MSH6: variants seen among roughly 807,000 people sequenced by gnomAD.
MSH6 encodes mutS homolog 6.
In MSH6, 85 loss-of-function variants were observed where a neutral mutation model predicts 119.1. That is an observed-to-expected ratio of 0.71 (90% CI 0.60 to 0.85). MSH6 has a LOEUF of 0.85. MSH6 is among the 40% of genes least tolerant of loss of function. MSH6 has a pLI of 0.00. For synonymous variants in MSH6, 830 were observed against 586.9 expected, an observed-to-expected ratio of 1.41 and a Z score of -5.99; for missense variants, 2,163 against 1,655.3, an observed-to-expected ratio of 1.31 and a Z score of -5.32.
chr2:47,805,329 GCCATCAC>G (rs1669918357), intron 6 of MSH6, among the ~76,000 whole-genome samples: 1 of 152,058 alleles, frequency 6.6e-6, no homozygotes, highest in Non-Finnish European at 1.5e-5. Flanking sequence ...ACAGGCGCAT[GCCATCAC>G]GCCCAGCTAA....
chr2:47,802,693 AAC>A (rs1212195324), intron 4 of MSH6, among the ~76,000 whole-genome samples: 1 of 150,166 alleles, frequency 6.7e-6, no homozygotes, highest in Non-Finnish European at 1.5e-5. Context: ...GTAACACAGT[AAC>A]ACAAAACTAT....
At chr2:47,808,338 CTAAT>C, downstream of MSH6, 1 of 1,612,024 alleles carries the variant, frequency 6.2e-7, no homozygotes, top group East Asian at 2.2e-5. Flanking sequence ...CCTATCATGT[CTAAT>C]AAACTCTACA....
rs1064793520 is a variant in MSH6, at chr2:47,803,587, C to G, written c.3340C>G (p.Leu1114Val). ...FGDDFIPNDI[L>V]IGCEEEEQEN... is the part of the protein sequence containing the mutation. ...AGATGATTTTATTCCTAATGACATT[C>G]TAATAGGCTGTGAGGAAGAGGAGCA... Residue 1114 changes from leucine (L) to valine (V), a missense_variant, in exon 5 of 10, where the codon CTA becomes GTA. Transcript: ENST00000234420. 3 of 1,614,008 alleles carry G rather than the reference C, an allele frequency of 1.9e-6. No individual in the cohort carries two copies. The highest frequency in any genetic ancestry group is 1.6e-4 in the Middle Eastern group (1 of 6,084).
At chr2:47,801,416 T>TA (rs1213660791) in intron 4 of MSH6, 177 of 364,862 alleles carry the variant, frequency 4.9e-4, no homozygotes, top group African/African-American at 4.5e-3. Context: ...TTGCCCAGGC[T>TA]AGAATATGGT....
chr2:47,809,493 T>A (rs1572756879), downstream of MSH6: 5 of 829,450 alleles, frequency 6.0e-6, no homozygotes, highest in Non-Finnish European at 9.5e-6. Flanking sequence ...TATCTTAAAC[T>A]GTTGCTAACT....
rs750817344 is a variant in MSH6 at position 47,800,112 on chromosome 2, T to A, written c.2129T>A (p.Ile710Asn). The change falls in exon 4 of 10, where the codon ATT (isoleucine) becomes AAT (asparagine). Residue 710 changes from isoleucine to asparagine, a missense_variant. Coordinates refer to ENST00000234420, the MANE Select transcript of MSH6 (RefSeq NM_000179.3). ...TCAATGGCTAATTTTGAAGAATATA[T>A]TCCCTTGGATTCTGACACAGTCAGC... Reference protein sequence around the residue: ...LLSMANFEEYIPLDSDTVSTT... With the variant: ...LLSMANFEEYNPLDSDTVSTT... 3.1e-6 allele frequency: 5 copies of A among 1,614,186 alleles called. No homozygotes were observed. The East Asian group carries it at 1.1e-4, about 36-fold the overall frequency.
downstream of MSH6, chr2:47,809,806 T>A (rs1025657543): frequency 2.9e-5 from 21 of 725,314 alleles, no homozygotes; most frequent in Non-Finnish European, 4.9e-5. Flanking sequence ...TTTATAGAAG[T>A]ACATTAACCC....
At chr2:47,795,540 A>G (rs1053847022) in intron 2 of MSH6, among the ~76,000 whole-genome samples, 2 of 147,360 alleles carry the variant, frequency 1.4e-5, no homozygotes, top group African/African-American at 5.1e-5. Flanking sequence ...ATCTCGGCTC[A>G]CTGCAACCTC....
At position 47,805,651 on chromosome 2, in the gene MSH6, C is replaced by A. The variant is rs1298129961; in HGVS notation, c.3590C>A (p.Thr1197Asn). 6.2e-7 allele frequency: 1 copy of A among 1,611,688 alleles called. No homozygotes were observed. The highest frequency in any genetic ancestry group is 8.5e-7 in the Non-Finnish European group (1 of 1,178,490). The change falls in exon 7 of 10, where the codon ACT (threonine) becomes AAT (asparagine). Residue 1197 changes from threonine to asparagine, a missense_variant. Physicochemically the swap from Thr to Asn is moderately conservative, Grantham distance 65 (BLOSUM62 0). Coordinates refer to ENST00000234420, the MANE Select transcript of MSH6 (RefSeq NM_000179.3). ...ESTFFVELSE[T>N]ASILMHATAH... ...ACATTTTTTGTTGAATTAAGTGAAA[C>A]TGCCAGCATACTCATGCATGCAACA...
chr2:47,791,175 T>TGTGA (rs1553410409), intron 2 of MSH6, 52 bp downstream of exon 2: 473 of 1,369,736 alleles, frequency 3.5e-4, no homozygotes, highest in South Asian at 4.9e-4. Context: ...TGTGTGTGTG[T>TGTGA]GAGAGAAACA....
At chr2:47,803,860 T>C (rs1669784540) in intron 5 of MSH6, among the ~76,000 whole-genome samples, 175 bp downstream of exon 5, 1 of 152,144 alleles carries the variant, frequency 6.6e-6, no homozygotes, top group Admixed American at 6.5e-5. Context: ...AGCTGAAACA[T>C]CGATGCTTAA....
intron 2 of MSH6, among the ~76,000 whole-genome samples, chr2:47,791,675 C>CTTTTTT (rs575880393): frequency 7.5e-6 from 1 of 132,504 alleles, no homozygotes; most frequent in Non-Finnish European, 1.6e-5. Context: ...CTCTTTCTTT[C>CTTTTTT]TTTTTTTTTT....
rs1572730351 is a variant in MSH6, at chr2:47,801,126, A to G, written c.3143A>G (p.Gln1048Arg). 6.2e-7 allele frequency: 1 copy of G among 1,612,016 alleles called. No homozygotes were observed. The highest frequency in any genetic ancestry group is 8.5e-7 in the Non-Finnish European group (1 of 1,179,958). ...YNFDKNYKDW[Q>R]SAVECIAVLD... ...TTTGATAAAAATTACAAGGACTGGC[A>G]GTCTGCTGTAGAGTGTATCGCAGTG... is the stretch of plus-strand genomic sequence containing the variant. Residue 1048 changes from glutamine to arginine, a missense_variant, in exon 4 of 10, where the codon CAG (glutamine) becomes CGG (arginine). By Grantham distance (43) the Gln-to-Arg change is conservative. Transcript: ENST00000234420.
chr2:47,808,634 T>TA (rs1670391743), downstream of MSH6: 2 of 488,868 alleles, frequency 4.1e-6, no homozygotes, highest in South Asian at 7.7e-5. Context: ...AGAGAAATGA[T>TA]TTGTAAATTG....
chr2:47,805,604 T>TTC lies in MSH6; in HGVS notation c.3557-13_3557-12insCT, dbSNP rs761752936. On this transcript the variant is annotated splice_polypyrimidine_tract_variant and intron_variant, in intron 6 of 9. Transcript: ENST00000234420. The stretch of plus-strand genomic sequence containing the variant: ...GCAAAATGAGTATTCATTTGTGATT[T>TTC]TTTTTTTTTTAAGGTGAAAGTACAT... 5 of 1,585,326 alleles carry TTC rather than the reference T, an allele frequency of 3.2e-6. No homozygotes were observed. In the South Asian group the frequency reaches 5.5e-5, roughly 18 times the overall value.
intron 1 of MSH6, chr2:47,789,459 CATT>C (rs776515275): frequency 6.5e-5 from 30 of 458,548 alleles, no homozygotes; most frequent in Non-Finnish European, 1.1e-4. Context: ...AAATGGAAGA[CATT>C]ATTTTTTTAA....
rs41295270 is a variant in MSH6 at position 47,799,722 on chromosome 2, C to A, written c.1739C>A (p.Ser580Ter). 1 of 1,614,078 alleles carries A rather than the reference C, an allele frequency of 6.2e-7. No individual in the cohort carries two copies. The highest frequency in any genetic ancestry group is 8.5e-7 in the Non-Finnish European group (1 of 1,180,024). The stretch of plus-strand genomic sequence containing the variant: ...CAGTTTTCAGATGATCGCCATTGTT[C>A]GAGATTTAGGACTCTAGTGGCACAC... ...IGQFSDDRHCSRFRTLVAHYP... is the reference protein window; with the variant it reads ...IGQFSDDRHC Residue 580 changes from serine (S) to a stop codon, truncating the protein, a stop_gained, in exon 4 of 10, where the codon TCG becomes TAG. Transcript: ENST00000234420. LOFTEE classifies it high-confidence loss of function.
chr2:47,809,527 G>C, downstream of MSH6: 1 of 1,105,648 alleles, frequency 9.0e-7, no homozygotes, highest in Non-Finnish European at 1.3e-6. Context: ...AAGGAATCAA[G>C]TTATAAAACG....
At position 47,799,409 on chromosome 2, in the gene MSH6, A is replaced by G. The variant is rs1229494027; in HGVS notation, c.1426A>G (p.Lys476Glu). 1 of 1,614,182 alleles carries G rather than the reference A, an allele frequency of 6.2e-7. No individual in the cohort carries two copies. Among genetic ancestry groups the G allele is most frequent in the Non-Finnish European group, 8.5e-7 (1 of 1,180,036 alleles). ...CCGTTATTCAGATTCCCTGGTGCAG[A>G]AGGGCTATAAAGTAGCACGAGTGGA... The part of the protein sequence containing the change: ...FGRYSDSLVQ[K>E]GYKVARVEQT... The change falls in exon 4 of 10, where the codon AAG (lysine) becomes GAG (glutamate). Residue 476 changes from lysine (K) to glutamate (E), a missense_variant. Physicochemically the swap from Lys to Glu is moderately conservative, Grantham distance 56 (BLOSUM62 1). Coordinates refer to ENST00000234420, the MANE Select transcript of MSH6 (RefSeq NM_000179.3).
Sources: allele counts gnomAD v4.1 joint callset (sites outside exome capture counted in the v4.1 genomes callset), GRCh38; gene constraint gnomAD v4.1.1; transcripts MANE v1.5; gene names NCBI Gene and HGNC (gene_info 2026-07-23, HGNC 2026-07-21).